Variants in PRKAR1B observed in about 807,000 individuals in gnomAD.
PRKAR1B encodes cAMP-dependent protein kinase type I-beta regulatory subunit.
In PRKAR1B, 22 loss-of-function variants were observed where a neutral mutation model predicts 46.5. That is an observed-to-expected ratio of 0.47 (90% CI 0.34 to 0.68). The LOEUF (loss-of-function observed/expected upper bound fraction) is 0.68, where lower values mean the gene tolerates loss of function less well. Among genes scored for constraint, PRKAR1B ranks in the 30% least tolerant of loss-of-function variants. The pLI, the probability that PRKAR1B is intolerant of heterozygous loss-of-function variation, is 0.01. For synonymous variants in PRKAR1B, 259 were observed against 217.7 expected (o/e 1.19, Z -1.67); for missense variants, 445 against 535.6 (o/e 0.83, Z 1.67).
At chr7:612,598 T>C (rs1782585106) in intron 4 of PRKAR1B, among the ~76,000 whole-genome samples, 2 of 151,950 alleles carry the variant, frequency 1.3e-5, no homozygotes, top group African/African-American at 4.8e-5. Context: ...GGGTGGCTAT[T>C]AGAGGAGAGG....
At chr7:557,260 C>T (rs545373823) in intron 9 of PRKAR1B, among the ~76,000 whole-genome samples, 4 of 152,238 alleles carry the variant, frequency 2.6e-5, no homozygotes, top group Non-Finnish European at 5.9e-5. Flanking sequence ...CACGTCTCAG[C>T]CGCGTGACAC....
intron 6 of PRKAR1B, among the ~76,000 whole-genome samples, chr7:600,361 T>C (rs1273894977): frequency 1.3e-5 from 2 of 151,960 alleles, no homozygotes; most frequent in African/African-American, 4.8e-5. Context: ...TAAAATTAGC[T>C]GGACGTGGTG....
intron 2 of PRKAR1B, among the ~76,000 whole-genome samples, chr7:684,918 T>TCTCAGATA (rs372969455): frequency 5.9e-4 from 88 of 150,286 alleles, no homozygotes; most frequent in African/African-American, 2.1e-3. Context: ...TGGAAGCAAA[T>TCTCAGATA]CTCAGATACA....
At chr7:583,436 A>AC (rs1780339897) in intron 8 of PRKAR1B, among the ~76,000 whole-genome samples, 1 of 51,308 alleles carries the variant, frequency 1.9e-5, no homozygotes, top group Admixed American at 1.6e-4. Context: ...GCACACACCC[A>AC]CAGTGCACAC....
At chr7:665,320 A>C (rs926560520) in intron 4 of PRKAR1B, among the ~76,000 whole-genome samples, 3 of 151,834 alleles carry the variant, frequency 2.0e-5, no homozygotes, top group African/African-American at 7.3e-5. Flanking sequence ...CCCAGCTTCT[A>C]CTCCAAGCTG....
chr7:591,587 C>T (rs569748754), intron 7 of PRKAR1B, among the ~76,000 whole-genome samples: 18 of 152,320 alleles, frequency 1.2e-4, no homozygotes, highest in African/African-American at 4.3e-4. Context: ...CAGCAGCTCA[C>T]GCCTATAATT....
chr7:622,427 T>G (rs1322866790), intron 4 of PRKAR1B, among the ~76,000 whole-genome samples: 1 of 152,238 alleles, frequency 6.6e-6, no homozygotes. Flanking sequence ...AGAATTTTTG[T>G]GACTTTTAAA....
upstream of PRKAR1B, among the ~76,000 whole-genome samples, chr7:728,543 T>C (rs892560551): frequency 1.3e-5 from 2 of 152,216 alleles, no homozygotes; most frequent in Non-Finnish European, 2.9e-5. Flanking sequence ...AGAACTCCTG[T>C]GGAGCTTGGG....
At chr7:562,205 G>A (rs1175062508) in intron 9 of PRKAR1B, among the ~76,000 whole-genome samples, 5 of 150,676 alleles carry the variant, frequency 3.3e-5, no homozygotes, top group South Asian at 2.1e-4. Context: ...GAACCAGGGC[G>A]AGCACAGGCC....
At chr7:705,395 C>G (rs988161914) in intron 2 of PRKAR1B, among the ~76,000 whole-genome samples, 3 of 150,330 alleles carry the variant, frequency 2.0e-5, no homozygotes, top group Non-Finnish European at 1.5e-5. Flanking sequence ...TTAAAACTGA[C>G]AGTATCAAAG....
At chr7:573,721 G>A (rs1440923933) in intron 9 of PRKAR1B, among the ~76,000 whole-genome samples, 1 of 152,232 alleles carries the variant, frequency 6.6e-6, no homozygotes, top group African/African-American at 2.4e-5. Flanking sequence ...ACCAGGGAGT[G>A]GACAGAGGGT....
rs954616980 is a variant in PRKAR1B at position 683,900 on chromosome 7, C to T, written c.178-3174G>A. ...AGGGCAGTTTCCCCAGAGGCCCCCA[C>T]TTCTTCTGCAGCTGATGCCCACCTC... is the stretch of plus-strand genomic sequence containing the variant. On this transcript the variant is annotated intron_variant, in intron 2 of 10. Transcript: ENST00000537384. Among the ~76,000 whole-genome samples the T allele has an allele frequency of 3.3e-5, 5 of 152,262 alleles. No homozygotes were observed. The East Asian group carries it at 5.8e-4, about 18-fold the overall frequency.
intron 4 of PRKAR1B, among the ~76,000 whole-genome samples, chr7:665,895 G>A (rs141990698): frequency 2.4e-4 from 36 of 152,294 alleles, no homozygotes; most frequent in African/African-American, 6.0e-4. Context: ...GAGAAACAGC[G>A]ACAGATAACA....
At chr7:606,418 C>G (rs1015222728) in intron 5 of PRKAR1B, among the ~76,000 whole-genome samples, 179 bp from the exon 6 acceptor site, 3 of 152,214 alleles carry the variant, frequency 2.0e-5, no homozygotes, top group African/African-American at 7.2e-5. Flanking sequence ...GTTAAAGAGC[C>G]TGTTCTTAAG....
chr7:712,402 G>C (rs4072810), intron 1 of PRKAR1B: 34,779 of 148,182 alleles, frequency 0.23, 4,792 homozygotes, highest in South Asian at 0.3. Flanking sequence ...ACCCCAGCCC[G>C]GCCCCGCGTA....
intron 4 of PRKAR1B, among the ~76,000 whole-genome samples, chr7:622,855 CA>C (rs1275263169): frequency 6.6e-6 from 1 of 152,198 alleles, no homozygotes; most frequent in African/African-American, 2.4e-5. Flanking sequence ...TGACGCTATC[CA>C]GGGGGAAAGA....
intron 4 of PRKAR1B, among the ~76,000 whole-genome samples, chr7:627,428 G>A (rs1054332129): frequency 1.3e-5 from 2 of 152,152 alleles, no homozygotes; most frequent in Admixed American, 6.5e-5. Flanking sequence ...TTTTACAGAC[G>A]GGACACTGAG....
chr7:671,124 G>A (rs1786230565), intron 4 of PRKAR1B, among the ~76,000 whole-genome samples: 1 of 152,270 alleles, frequency 6.6e-6, no homozygotes, highest in South Asian at 2.1e-4. Context: ...AGGACTTGAG[G>A]GTTTCTAAAG....
chr7:691,398 C>A (rs1369552867), intron 2 of PRKAR1B: 2 of 950,686 alleles, frequency 2.1e-6, no homozygotes, highest in Non-Finnish European at 1.5e-6. Flanking sequence ...TCCAAATCCC[C>A]TGCCTGGTCA....
Sources: allele counts gnomAD v4.1 joint callset (sites outside exome capture counted in the v4.1 genomes callset), GRCh38; gene constraint gnomAD v4.1.1; transcripts MANE v1.5; gene names NCBI Gene and HGNC (gene_info 2026-07-23, HGNC 2026-07-21).